The following RGS7 variants were observed in gnomAD, a reference collection of about 807,000 sequenced individuals.
RGS7 encodes the protein regulator of G-protein signaling 7.
Under a neutral mutation model 81.1 loss-of-function variants are expected in RGS7, and 27 were observed. The observed-to-expected ratio is 0.33, with a 90% CI of 0.25 to 0.46. The LOEUF (loss-of-function observed/expected upper bound fraction) is 0.46. Among genes scored for constraint, RGS7 ranks in the 20% least tolerant of loss-of-function variants. RGS7 has a pLI of 1.00. For synonymous variants in RGS7, 208 were observed against 207.7 expected (o/e 1.00, Z -0.01); for missense variants, 396 against 607.4 (o/e 0.65, Z 3.66).
intron 18 of RGS7, among the ~76,000 whole-genome samples, chr1:240,779,181 C>T (rs1008974793): frequency 6.6e-6 from 1 of 151,614 alleles, no homozygotes; most frequent in African/African-American, 2.4e-5. Flanking sequence ...ATGGCGCAAT[C>T]TCGGGTCACT....
Position 241,182,035 on chromosome 1 carries a change from A to C in RGS7, c.79-83273T>G, listed in dbSNP as rs540360834. 2.6e-5 allele frequency among the ~76,000 whole-genome samples: 4 copies of C among 152,280 alleles called. No individual in the cohort carries two copies. In the East Asian group the frequency reaches 7.7e-4, roughly 29 times the overall value. On this transcript the variant is annotated intron_variant, in intron 2 of 18. Transcript: ENST00000440928. ...ATCAGGAAGCATCAGTACCGTGCAG[A>C]GTCACAACCTATAGCATTGTGATGT... is the stretch of plus-strand genomic sequence containing the variant.
chr1:241,274,980 T>G (rs2078116645), intron 2 of RGS7, among the ~76,000 whole-genome samples: 1 of 152,216 alleles, frequency 6.6e-6, no homozygotes, highest in South Asian at 2.1e-4. Flanking sequence ...AGAGTAAACA[T>G]GATTCTATAT....
intron 4 of RGS7, among the ~76,000 whole-genome samples, chr1:240,971,683 T>C (rs1195804763): frequency 6.6e-6 from 1 of 152,202 alleles, no homozygotes; most frequent in African/African-American, 2.4e-5. Flanking sequence ...CAATCAATCT[T>C]GTTAGATTTA....
At chr1:240,919,433 A>C (rs1673133173) in intron 6 of RGS7, among the ~76,000 whole-genome samples, 2 of 152,052 alleles carry the variant, frequency 1.3e-5, no homozygotes, top group African/African-American at 2.4e-5. Context: ...TTTATACATT[A>C]ATTAATGTAA....
At chr1:241,162,222 G>GCGCCCCCCCCCCCCCCCC (rs68166816) in intron 2 of RGS7, among the ~76,000 whole-genome samples, 1 of 142,028 alleles carries the variant, frequency 7.0e-6, no homozygotes, top group Non-Finnish European at 1.6e-5. Flanking sequence ...CTGGTGATCA[G>GCGCCCCCCCCCCCCCCCC]CTTCCAAATA....
chr1:241,186,403 A>C (rs931121443), intron 2 of RGS7: 7 of 649,954 alleles, frequency 1.1e-5, no homozygotes, highest in Non-Finnish European at 1.1e-5. Context: ...CAACTGATGC[A>C]AAAGACCACA....
At chr1:241,356,814 G>A (rs1334847920) in intron 1 of RGS7, 85 bp downstream of exon 1, 2 of 150,516 alleles carry the variant, frequency 1.3e-5, no homozygotes, top group East Asian at 4.0e-4. Flanking sequence ...CGCTCCCGCT[G>A]CGCAGAGCGA....
intron 16 of RGS7, 144 bp from the exon 17 acceptor site, chr1:240,801,652 G>C: frequency 1.4e-6 from 1 of 701,548 alleles, no homozygotes; most frequent in African/African-American, 1.8e-5. Flanking sequence ...AAGGCCCATA[G>C]AGGTTGGAGA....
intron 2 of RGS7, among the ~76,000 whole-genome samples, chr1:241,114,715 T>C (rs2065776330): frequency 6.6e-6 from 1 of 152,196 alleles, no homozygotes; most frequent in Admixed American, 6.5e-5. Flanking sequence ...TAATTCAAAA[T>C]CTAAACTGTT....
intron 6 of RGS7, among the ~76,000 whole-genome samples, chr1:240,896,075 T>A (rs944926782): frequency 6.6e-6 from 1 of 152,234 alleles, no homozygotes; most frequent in Admixed American, 6.5e-5. Flanking sequence ...TTTGGCTGCA[T>A]AAATGTCTTC....
chr1:240,877,381 C>T (rs1665609809), intron 6 of RGS7, among the ~76,000 whole-genome samples: 1 of 150,686 alleles, frequency 6.6e-6, no homozygotes, highest in African/African-American at 2.4e-5. Context: ...CCATTTCTGT[C>T]ATTATTTGGT....
At chr1:240,981,378 G>A (rs1684893161) in intron 4 of RGS7, among the ~76,000 whole-genome samples, 1 of 152,136 alleles carries the variant, frequency 6.6e-6, no homozygotes, top group Admixed American at 6.5e-5. Flanking sequence ...CCAAAGTGCT[G>A]GGATTATAGG....
At chr1:241,087,294 A>C (rs914395320) in intron 3 of RGS7, among the ~76,000 whole-genome samples, 6 of 152,228 alleles carry the variant, frequency 3.9e-5, no homozygotes, top group Non-Finnish European at 7.3e-5. Flanking sequence ...ATTTCAGAGA[A>C]GTTCCTTTAT....
At chr1:241,299,260 C>T (rs941223463) in intron 2 of RGS7, among the ~76,000 whole-genome samples, 1 of 152,140 alleles carries the variant, frequency 6.6e-6, no homozygotes, top group Non-Finnish European at 1.5e-5. Context: ...TGCTAATAGT[C>T]CTCACAATGT....
At chr1:241,269,537 A>G (rs1409205356) in intron 2 of RGS7, among the ~76,000 whole-genome samples, 2 of 152,230 alleles carry the variant, frequency 1.3e-5, no homozygotes, top group Non-Finnish European at 2.9e-5. Context: ...AATAACTGCC[A>G]GAAGTGTGCA....
intron 3 of RGS7, among the ~76,000 whole-genome samples, chr1:241,015,822 A>G (rs2059190620): frequency 6.6e-6 from 1 of 152,228 alleles, no homozygotes. Context: ...AATATCTATT[A>G]TAAGAATCAA....
intron 2 of RGS7, among the ~76,000 whole-genome samples, chr1:241,337,543 A>G (rs1345902070): frequency 6.6e-6 from 1 of 151,568 alleles, no homozygotes; most frequent in Non-Finnish European, 1.5e-5. Context: ...GAGGATGGAC[A>G]AGTCATGCAG....
At chr1:240,931,512 G>T (rs995938542) in intron 5 of RGS7, among the ~76,000 whole-genome samples, 3 of 151,926 alleles carry the variant, frequency 2.0e-5, no homozygotes, top group Non-Finnish European at 4.4e-5. Context: ...ACTCCACATT[G>T]CATCCTTGTA....
intron 4 of RGS7, among the ~76,000 whole-genome samples, chr1:240,972,445 A>G (rs1395345625): frequency 6.9e-6 from 1 of 144,130 alleles, no homozygotes; most frequent in African/African-American, 2.6e-5. Flanking sequence ...CTATCGCAAG[A>G]ACAAAAAACC....
Sources: allele counts gnomAD v4.1 joint callset (sites outside exome capture counted in the v4.1 genomes callset), GRCh38; gene constraint gnomAD v4.1.1; transcripts MANE v1.5; gene names NCBI Gene and HGNC (gene_info 2026-07-23, HGNC 2026-07-21).